Variants in GRM7 observed in about 807,000 individuals in gnomAD.
The protein encoded by GRM7 is metabotropic glutamate receptor 7.
In GRM7, 35 loss-of-function variants were observed where a neutral mutation model predicts 84.5. The observed-to-expected ratio is 0.41, with a 90% CI of 0.32 to 0.55. The LOEUF (loss-of-function observed/expected upper bound fraction) is 0.55, where lower values mean the gene tolerates loss of function less well. Among genes scored for constraint, GRM7 ranks in the 20% least tolerant of loss-of-function variants. The pLI, the probability that GRM7 is intolerant of heterozygous loss-of-function variation, is 0.19. For missense variants in GRM7, 1,003 were observed against 1,194.6 expected (o/e 0.84, Z 2.36); for synonymous variants, 487 against 455.1 (o/e 1.07, Z -0.89).
chr3:7,056,236 G>T (rs556422176), intron 1 of GRM7, among the ~76,000 whole-genome samples: 1 of 151,966 alleles, frequency 6.6e-6, no homozygotes, highest in Non-Finnish European at 1.5e-5. Flanking sequence ...CACAGTTTCT[G>T]GAAAAGAGGA....
At chr3:7,537,290 G>A (rs574935010) in intron 7 of GRM7, among the ~76,000 whole-genome samples, 6 of 152,036 alleles carry the variant, frequency 3.9e-5, no homozygotes, top group Non-Finnish European at 8.8e-5. Flanking sequence ...GACTTTTCAA[G>A]GTATCTACCC....
rs543232720 is a variant in GRM7 at position 7,526,165 on chromosome 3, A to G, written c.1516-52257A>G. Reference sequence around the variant, plus strand: ...TCTGAACTAATCATGCCAACAGTGTATAAGTGTTCCCTTTTCTCTGCAATC... The same window carrying G: ...TCTGAACTAATCATGCCAACAGTGTGTAAGTGTTCCCTTTTCTCTGCAATC... On this transcript the variant is annotated intron_variant, in intron 7 of 9. Coordinates refer to ENST00000357716, the MANE Select transcript of GRM7 (RefSeq NM_000844.4). Among the ~76,000 whole-genome samples, 6 of 152,300 alleles carry G rather than the reference A, an allele frequency of 3.9e-5. 1 individual carries two copies. The South Asian group carries it at 1.0e-3, about 26-fold the overall frequency.
At chr3:7,238,468 T>C (rs913156159) in intron 2 of GRM7, among the ~76,000 whole-genome samples, 1 of 152,176 alleles carries the variant, frequency 6.6e-6, no homozygotes, top group Non-Finnish European at 1.5e-5. Flanking sequence ...ATTTTCTTCA[T>C]ATTAGTTCTC....
intron 2 of GRM7, among the ~76,000 whole-genome samples, chr3:7,262,063 G>T (rs1366080015): frequency 6.7e-6 from 1 of 150,048 alleles, no homozygotes; most frequent in Non-Finnish European, 1.5e-5. Flanking sequence ...GCTTCCCTTT[G>T]TAGATTACCT....
intron 1 of GRM7, among the ~76,000 whole-genome samples, chr3:6,919,523 A>C (rs984793982): frequency 2.7e-5 from 4 of 150,812 alleles, no homozygotes; most frequent in Non-Finnish European, 5.9e-5. Flanking sequence ...TATATTTTAT[A>C]TCTTATGCTT....
intron 1 of GRM7, among the ~76,000 whole-genome samples, chr3:7,113,684 A>T (rs1227153062): frequency 6.6e-6 from 1 of 152,136 alleles, no homozygotes; most frequent in Non-Finnish European, 1.5e-5. Flanking sequence ...GTTGTTCTTC[A>T]TGGCATATTA....
chr3:7,505,529 C>T (rs1431780540), intron 7 of GRM7, among the ~76,000 whole-genome samples: 2 of 152,234 alleles, frequency 1.3e-5, no homozygotes, highest in African/African-American at 2.4e-5. Context: ...GGCCCCTAGA[C>T]TTTTGTGATA....
chr3:6,866,940 G>C (rs1465772949), intron 1 of GRM7, among the ~76,000 whole-genome samples: 1 of 152,170 alleles, frequency 6.6e-6, no homozygotes, highest in Non-Finnish European at 1.5e-5. Context: ...GAATTTTTAA[G>C]CTAGGGAGAT....
Position 7,578,943 on chromosome 3 carries a change from G to T in GRM7, c.2037G>T (p.Arg679=), listed in dbSNP as rs1289191653. ...SYAALLTKTN[R]IYRIFEQGKK... is the part of the protein sequence containing the mutation. ...CAGCCCTCTTGACGAAAACAAATCG[G>T]ATTTATCGCATATTTGAGCAGGGCA... The change falls in exon 8 of 10, where the codon CGG becomes CGT. Residue 679 remains arginine, a synonymous_variant. Transcript: ENST00000357716. 1.9e-6 allele frequency: 3 copies of T among 1,614,044 alleles called. No homozygotes were observed. In the Admixed American group the frequency reaches 5.0e-5, roughly 27 times the overall value.
chr3:7,711,177 A>T (rs962407544), intron 9 of GRM7, among the ~76,000 whole-genome samples: 9 of 152,340 alleles, frequency 5.9e-5, no homozygotes, highest in Non-Finnish European at 1.0e-4. Flanking sequence ...GTATGCAGAA[A>T]ATCATAAGGG....
At chr3:7,636,275 T>C (rs1349739501) in intron 8 of GRM7, 2 of 456,708 alleles carry the variant, frequency 4.4e-6, no homozygotes, top group African/African-American at 4.0e-5. Context: ...CCCTGAATCA[T>C]TGTAAGATAA....
intron 1 of GRM7, among the ~76,000 whole-genome samples, chr3:7,133,812 C>T (rs371278759): frequency 9.2e-5 from 14 of 152,194 alleles, no homozygotes; most frequent in African/African-American, 2.4e-4. Context: ...AGGAAGGAGG[C>T]GGAGAGGTCA....
At chr3:7,064,625 T>C (rs1051571036) in intron 1 of GRM7, among the ~76,000 whole-genome samples, 2 of 150,812 alleles carry the variant, frequency 1.3e-5, no homozygotes, top group African/African-American at 4.9e-5. Context: ...GTTCCAAGAT[T>C]TTGCAATTGT....
At chr3:7,320,216 A>G (rs967995958) in intron 4 of GRM7, among the ~76,000 whole-genome samples, 1 of 151,806 alleles carries the variant, frequency 6.6e-6, no homozygotes, top group African/African-American at 2.4e-5. Flanking sequence ...TTTCTCATCT[A>G]TTGCTAGACT....
chr3:7,523,999 T>G (rs1362862287), intron 7 of GRM7, among the ~76,000 whole-genome samples: 1 of 152,118 alleles, frequency 6.6e-6, no homozygotes, highest in Non-Finnish European at 1.5e-5. Flanking sequence ...CTCTTCTATC[T>G]TGCTCCTAGA....
At chr3:7,144,659 T>C (rs900847469) in intron 1 of GRM7, among the ~76,000 whole-genome samples, 3 of 152,222 alleles carry the variant, frequency 2.0e-5, no homozygotes, top group Non-Finnish European at 4.4e-5. Flanking sequence ...TCATTTTCCC[T>C]GTTTCTCAGA....
intron 7 of GRM7, among the ~76,000 whole-genome samples, chr3:7,538,421 A>G (rs1320154241): frequency 6.6e-6 from 1 of 152,066 alleles, no homozygotes; most frequent in Non-Finnish European, 1.5e-5. Flanking sequence ...CCGTTACTGT[A>G]TTTTGATACT....
At chr3:6,871,168 T>G (rs144064795) in intron 1 of GRM7, among the ~76,000 whole-genome samples, 42 of 152,296 alleles carry the variant, frequency 2.8e-4, no homozygotes, top group African/African-American at 1.0e-3. Flanking sequence ...ACAATTATTC[T>G]GGTCAGACAC....
intron 7 of GRM7, among the ~76,000 whole-genome samples, chr3:7,565,167 A>T (rs1694201533): frequency 6.6e-6 from 1 of 152,194 alleles, no homozygotes; most frequent in Admixed American, 6.5e-5. Context: ...TCCTTTCATC[A>T]TTTCTAATTA....
Sources: gnomAD v4.1 joint callset for allele counts (sites outside exome capture counted in the v4.1 genomes callset) on GRCh38, gnomAD v4.1.1 for gene constraint, MANE v1.5 for transcripts, NCBI Gene and HGNC (gene_info 2026-07-23, HGNC 2026-07-21) for gene names.